The following DACH1 variants were observed in gnomAD, a reference collection of about 807,000 sequenced individuals.
DACH1 encodes dachshund family transcription factor 1.
DACH1 carries 12 observed loss-of-function variants against 54.2 expected under a neutral mutation model. The ratio of observed to expected loss-of-function variants is 0.22; its 90% CI spans 0.14 to 0.36. DACH1 has a LOEUF of 0.36. DACH1 is among the 10% of genes least tolerant of loss of function. The pLI is 1.00. For synonymous variants in DACH1, 386 were observed against 366.2 expected (o/e 1.05, Z -0.62); for missense variants, 805 against 929.8 (o/e 0.87, Z 1.75).
chr13:71,649,124 T>C (rs1878499053), intron 2 of DACH1, among the ~76,000 whole-genome samples: 1 of 152,158 alleles, frequency 6.6e-6, no homozygotes, highest in South Asian at 2.1e-4. Context: ...GAAAAATCCT[T>C]ATTACACAAA....
intron 1 of DACH1, among the ~76,000 whole-genome samples, chr13:71,697,211 G>A (rs947502464): frequency 1.4e-4 from 22 of 152,258 alleles, no homozygotes; most frequent in Admixed American, 8.5e-4. Context: ...GCAATGTTTG[G>A]CACAAAGTAG....
intron 4 of DACH1, among the ~76,000 whole-genome samples, chr13:71,565,922 A>G (rs1477759628): frequency 6.6e-6 from 1 of 152,196 alleles, no homozygotes; most frequent in Non-Finnish European, 1.5e-5. Context: ...GCAGCAAAAT[A>G]AAATCTTGAC....
chr13:71,668,983 G>A (rs1000767469), intron 2 of DACH1, among the ~76,000 whole-genome samples: 82 of 152,038 alleles, frequency 5.4e-4, no homozygotes, highest in African/African-American at 1.9e-3. Context: ...ATAAATATGG[G>A]AAAGAACCCA....
At chr13:71,775,744 T>C (rs940626265) in intron 1 of DACH1, among the ~76,000 whole-genome samples, 7 of 152,158 alleles carry the variant, frequency 4.6e-5, no homozygotes, top group Non-Finnish European at 1.0e-4. Context: ...CAGAACTGAA[T>C]TTAAATTTTT....
chr13:71,586,630 G>T (rs1004131088), intron 3 of DACH1, among the ~76,000 whole-genome samples: 8 of 151,738 alleles, frequency 5.3e-5, no homozygotes, highest in Non-Finnish European at 7.4e-5. Flanking sequence ...ATAATATATC[G>T]TGTAGGCAAT....
At chr13:71,514,751 C>T (rs1881035973) in intron 6 of DACH1, among the ~76,000 whole-genome samples, 1 of 151,778 alleles carries the variant, frequency 6.6e-6, no homozygotes, top group South Asian at 2.1e-4. Context: ...AAAATTCTTG[C>T]CTATTTATAA....
At chr13:71,774,491 A>G (rs550379998) in intron 1 of DACH1, among the ~76,000 whole-genome samples, 3 of 152,280 alleles carry the variant, frequency 2.0e-5, no homozygotes, top group Non-Finnish European at 4.4e-5. Flanking sequence ...ACTACAGTAG[A>G]AAACATGTGG....
chr13:71,836,137 C>T (rs1469647041), intron 1 of DACH1, among the ~76,000 whole-genome samples: 1 of 151,972 alleles, frequency 6.6e-6, no homozygotes, highest in Non-Finnish European at 1.5e-5. Flanking sequence ...CCAAAGAATT[C>T]TGAATCACAC....
chr13:71,648,005 C>G (rs981960965), intron 2 of DACH1, among the ~76,000 whole-genome samples: 3 of 152,152 alleles, frequency 2.0e-5, no homozygotes, highest in Non-Finnish European at 4.4e-5. Context: ...CATAAAATTA[C>G]ACAGTGAATT....
At position 71,585,943 on chromosome 13, in the gene DACH1, C is replaced by A. The variant is rs17088342; in HGVS notation, c.1127-12931G>T. Among the ~76,000 whole-genome samples the A allele has an allele frequency of 4.0e-3, 610 of 152,184 alleles. 1 individual carries two copies. Among genetic ancestry groups the A allele is most frequent in the African/African-American group, 0.014 (569 of 41,536 alleles). On this transcript the variant is annotated intron_variant, in intron 3 of 10. Transcript: ENST00000613252. ...TTGTGTTCTCTATCATTAGAGTTTT[C>A]TAAGAAGATGACTGAAGAACAAATT...
At position 71,440,535 on chromosome 13, in the gene DACH1, T is replaced by TAATA; in HGVS notation, c.*116_*119dup. 1.3e-6 allele frequency: 1 copy of TAATA among 766,006 alleles called. No homozygotes were observed. The highest frequency in any genetic ancestry group is 2.1e-6 in the Non-Finnish European group (1 of 465,660). The allele number at this position is 766,006 out of a possible 1,614,324, so 47.5% of individuals were successfully genotyped here. A position where few individuals can be genotyped will look rare whatever the true frequency, so the allele number is the denominator to read the frequency against. The stretch of plus-strand genomic sequence containing the variant: ...GAATACTTAAACTTTTAAAGAACAT[T>TAATA]AATACACAAAATTCAGGAAGTTCCC... On this transcript the variant is annotated 3_prime_UTR_variant, in exon 11 of 11. Coordinates refer to ENST00000613252, the MANE Select transcript of DACH1 (RefSeq NM_080759.6).
chr13:71,535,186 T>C (rs1019218940), intron 6 of DACH1, among the ~76,000 whole-genome samples: 1 of 151,898 alleles, frequency 6.6e-6, no homozygotes, highest in Non-Finnish European at 1.5e-5. Context: ...CACTGTATTA[T>C]ACAATTTATA....
chr13:71,682,204 G>A (rs1254900432), intron 1 of DACH1, among the ~76,000 whole-genome samples: 1 of 152,112 alleles, frequency 6.6e-6, no homozygotes, highest in African/African-American at 2.4e-5. Context: ...CTAAAGTTCT[G>A]CATGCAGCCT....
intron 1 of DACH1, among the ~76,000 whole-genome samples, chr13:71,850,664 A>G (rs1166688432): frequency 6.6e-6 from 1 of 152,228 alleles, no homozygotes; most frequent in Non-Finnish European, 1.5e-5. Context: ...TATATGTGCT[A>G]TATAAATTGT....
intron 1 of DACH1, among the ~76,000 whole-genome samples, chr13:71,714,185 T>C (rs1017155158): frequency 2.0e-5 from 3 of 152,072 alleles, no homozygotes; most frequent in African/African-American, 7.2e-5. Flanking sequence ...GTTTCAGTGG[T>C]TCCAATAGGA....
At chr13:71,785,314 T>C (rs2138077677) in intron 1 of DACH1, among the ~76,000 whole-genome samples, 1 of 152,282 alleles carries the variant, frequency 6.6e-6, no homozygotes, top group South Asian at 2.1e-4. Flanking sequence ...AATCATTCAA[T>C]GAAAAAAAGT....
chr13:71,527,886 C>T (rs761552188), intron 6 of DACH1, among the ~76,000 whole-genome samples: 1 of 151,132 alleles, frequency 6.6e-6, no homozygotes, highest in Non-Finnish European at 1.5e-5. Flanking sequence ...AAAAAAATGA[C>T]AAAGGTCTTT....
intron 1 of DACH1, among the ~76,000 whole-genome samples, chr13:71,772,829 T>C (rs905726408): frequency 7.9e-5 from 12 of 151,900 alleles, no homozygotes; most frequent in South Asian, 2.1e-4. Context: ...TTTAGAGAAA[T>C]AGTATGCTGA....
chr13:71,574,251 C>A (rs921289369), intron 3 of DACH1, among the ~76,000 whole-genome samples: 1 of 152,072 alleles, frequency 6.6e-6, no homozygotes, highest in Non-Finnish European at 1.5e-5. Flanking sequence ...TATTAGAACA[C>A]TCCTTGGAAG....
Sources: allele counts gnomAD v4.1 joint callset (sites outside exome capture counted in the v4.1 genomes callset), GRCh38; gene constraint gnomAD v4.1.1; transcripts MANE v1.5; gene names NCBI Gene and HGNC (gene_info 2026-07-23, HGNC 2026-07-21).